Variants in CAST observed in about 807,000 individuals in gnomAD.
CAST encodes the protein MIR583 host.
Under a neutral mutation model 119.6 loss-of-function variants are expected in CAST, and 76 were observed. The observed-to-expected ratio is 0.64, with a 90% CI of 0.53 to 0.77. The LOEUF is 0.77. Ranked by LOEUF, CAST falls within the 30% of genes least tolerant of loss-of-function variation. The pLI is 0.00. For missense variants in CAST, 953 were observed against 946.5 expected (o/e 1.01, Z -0.09); for synonymous variants, 319 against 331.6 (o/e 0.96, Z 0.41).
chr5:96,337,298 A>T, the CAST span, among the ~76,000 whole-genome samples: 2 of 152,128 alleles, frequency 1.3e-5, no homozygotes, highest in Non-Finnish European at 2.9e-5. Context: ...TCTATTTTCA[A>T]TCAAGAGAGA....
intron 1 of CAST, among the ~76,000 whole-genome samples, chr5:96,620,075 A>G (rs548013637): frequency 1.2e-4 from 18 of 152,372 alleles, no homozygotes; most frequent in African/African-American, 4.3e-4. Flanking sequence ...GCAGGCAGTA[A>G]GGAGAATGGC....
intron 3 of CAST, among the ~76,000 whole-genome samples, chr5:96,707,083 C>T (rs1221404670): frequency 6.6e-6 from 1 of 152,196 alleles, no homozygotes; most frequent in African/African-American, 2.4e-5. Flanking sequence ...CCCCTGAATT[C>T]TTTCTAATGA....
the CAST span, among the ~76,000 whole-genome samples, chr5:96,122,719 T>C: frequency 6.6e-6 from 1 of 152,186 alleles, no homozygotes; most frequent in African/African-American, 2.4e-5. Flanking sequence ...TTTACTGTTT[T>C]GTTTTGGGTT....
chr5:96,556,414 G>T (rs1746241536), intron 1 of CAST, among the ~76,000 whole-genome samples: 1 of 152,158 alleles, frequency 6.6e-6, no homozygotes, highest in African/African-American at 2.4e-5. Context: ...ACTACTCAGA[G>T]CTAAAGGAGG....
chr5:96,427,589 C>T, the CAST span, among the ~76,000 whole-genome samples: 26 of 152,124 alleles, frequency 1.7e-4, no homozygotes, highest in African/African-American at 6.0e-4. Context: ...CTTGAGATTC[C>T]ACCCCTCCCC....
the CAST span, chr5:95,961,768 C>A: frequency 6.5e-7 from 1 of 1,540,930 alleles, no homozygotes; most frequent in East Asian, 2.4e-5. Context: ...CGGCTCTAGC[C>A]TCCACTGCGG....
At chr5:96,434,611 T>G in the CAST span, among the ~76,000 whole-genome samples, 4 of 97,660 alleles carry the variant, frequency 4.1e-5, no homozygotes, top group Admixed American at 3.6e-4. Flanking sequence ...AAGTTTGTTT[T>G]TTTTTTTGTT....
At chr5:96,552,765 G>C (rs1580821100) in intron 1 of CAST, among the ~76,000 whole-genome samples, 1 of 152,170 alleles carries the variant, frequency 6.6e-6, no homozygotes. Flanking sequence ...ACTATGATCA[G>C]AGAATACTAT....
At chr5:96,638,855 T>C (rs193148503) in intron 1 of CAST, among the ~76,000 whole-genome samples, 1 of 152,324 alleles carries the variant, frequency 6.6e-6, no homozygotes, top group Admixed American at 6.5e-5. Context: ...GAACAAACTT[T>C]TACCACTGCA....
chr5:96,155,392 T>C, the CAST span, among the ~76,000 whole-genome samples: 2 of 152,202 alleles, frequency 1.3e-5, no homozygotes, highest in Non-Finnish European at 2.9e-5. Context: ...TTCCACACCT[T>C]CATAACAAAT....
At chr5:96,085,651 G>A in the CAST span, among the ~76,000 whole-genome samples, 2 of 152,152 alleles carry the variant, frequency 1.3e-5, no homozygotes, top group South Asian at 4.1e-4. Context: ...ACAATGCCCT[G>A]TTTGCAATAC....
the CAST span, among the ~76,000 whole-genome samples, chr5:96,511,302 G>A: frequency 2.0e-5 from 3 of 151,916 alleles, no homozygotes; most frequent in East Asian, 1.9e-4. Context: ...CCGCCACCAC[G>A]CCTGGCTAAT....
chr5:96,747,062 T>C (rs1178132074), intron 17 of CAST, among the ~76,000 whole-genome samples: 1 of 152,232 alleles, frequency 6.6e-6, no homozygotes, highest in Non-Finnish European at 1.5e-5. Flanking sequence ...GCTACATCTT[T>C]ATTGCCAAAG....
chr5:96,307,466 T>G, the CAST span, among the ~76,000 whole-genome samples: 1 of 152,242 alleles, frequency 6.6e-6, no homozygotes, highest in African/African-American at 2.4e-5. Context: ...AGGTTAATAT[T>G]GTTATGTGTG....
intron 1 of CAST, among the ~76,000 whole-genome samples, chr5:96,610,631 C>T (rs1440894594): frequency 6.6e-6 from 1 of 152,122 alleles, no homozygotes; most frequent in African/African-American, 2.4e-5. Context: ...TCCACTCTTA[C>T]CACTCCTATT....
the CAST span, among the ~76,000 whole-genome samples, chr5:96,143,745 T>A: frequency 6.6e-6 from 1 of 152,210 alleles, no homozygotes; most frequent in Non-Finnish European, 1.5e-5. Context: ...AAAGTTCCCT[T>A]ACAAGTCCAA....
chr5:96,568,823 T>G (rs1746523055), intron 1 of CAST, among the ~76,000 whole-genome samples: 1 of 151,984 alleles, frequency 6.6e-6, no homozygotes, highest in Admixed American at 6.6e-5. Context: ...AATAACTAAA[T>G]CTATGCCTAT....
At chr5:96,220,529 A>C in the CAST span, among the ~76,000 whole-genome samples, 1 of 152,210 alleles carries the variant, frequency 6.6e-6, no homozygotes, top group Non-Finnish European at 1.5e-5. Flanking sequence ...CTGATACCCA[A>C]AGCATTTAAA....
chr5:96,658,276 G>A (rs931424963), upstream of CAST, among the ~76,000 whole-genome samples: 14 of 151,552 alleles, frequency 9.2e-5, no homozygotes, highest in Non-Finnish European at 1.9e-4. Context: ...AAATGTTAAA[G>A]TTATTTCAAA....
Sources: allele counts gnomAD v4.1 joint callset (sites outside exome capture counted in the v4.1 genomes callset), GRCh38; gene constraint gnomAD v4.1.1; transcripts MANE v1.5; gene names NCBI Gene and HGNC (gene_info 2026-07-23, HGNC 2026-07-21).